Variants in SPAG17 observed in about 807,000 individuals in gnomAD.
SPAG17 encodes the protein sperm-associated antigen 17.
Under a neutral mutation model 273.6 loss-of-function variants are expected in SPAG17, and 169 were observed. The ratio of observed to expected loss-of-function variants is 0.62; its 90% CI spans 0.55 to 0.70. The LOEUF (loss-of-function observed/expected upper bound fraction) is 0.70. SPAG17 is among the 30% of genes least tolerant of loss of function. The pLI is 0.00. For missense variants in SPAG17, 2,557 were observed against 2,627.8 expected (o/e 0.97, Z 0.59); for synonymous variants, 825 against 873.2 (o/e 0.94, Z 0.97).
At chr1:118,028,180 A>T (rs1647980026) in intron 26 of SPAG17, 94 bp downstream of exon 26, 1 of 1,385,402 alleles carries the variant, frequency 7.2e-7, no homozygotes, top group Non-Finnish European at 9.9e-7. Context: ...TATCAACAAG[A>T]TGTATGTTTA....
intron 20 of SPAG17, among the ~76,000 whole-genome samples, chr1:118,049,404 C>G (rs1259045718): frequency 6.6e-6 from 1 of 152,102 alleles, no homozygotes; most frequent in African/African-American, 2.4e-5. Flanking sequence ...TCCTGGGATG[C>G]AAAGATGATT....
intron 3 of SPAG17, among the ~76,000 whole-genome samples, chr1:118,138,247 C>T (rs923166572): frequency 2.0e-5 from 3 of 152,088 alleles, no homozygotes; most frequent in East Asian, 3.9e-4. Flanking sequence ...GAAACAAATA[C>T]GTTGTTTGCA....
chr1:118,157,293 C>A (rs1659701784), intron 1 of SPAG17, among the ~76,000 whole-genome samples: 1 of 152,062 alleles, frequency 6.6e-6, no homozygotes, highest in Non-Finnish European at 1.5e-5. Flanking sequence ...AGATTTATTC[C>A]CTCTATTGCA....
intron 1 of SPAG17, among the ~76,000 whole-genome samples, chr1:118,153,706 G>A (rs536938373): frequency 4.9e-4 from 75 of 152,040 alleles, no homozygotes; most frequent in African/African-American, 1.6e-3. Flanking sequence ...AAATTTAGCC[G>A]GGTGTGGTGG....
intron 6 of SPAG17, among the ~76,000 whole-genome samples, chr1:118,098,587 T>G (rs867715544): frequency 5.9e-5 from 9 of 152,102 alleles, no homozygotes; most frequent in Admixed American, 2.6e-4. Flanking sequence ...ATAAACCATT[T>G]AGTATTATAA....
At position 118,053,988 on chromosome 1, in the gene SPAG17, G is replaced by A. The variant is rs376188388; in HGVS notation, c.2814+14C>T. 571 of 1,588,686 alleles carry A rather than the reference G, an allele frequency of 3.6e-4. No individual in the cohort carries two copies. In the African/African-American group the frequency reaches 6.9e-3, roughly 19 times the overall value. ...GTTTTGCCTGTTTTTTAAACTTTAT[G>A]TAAGCTGGATTACCTTGAGAGAGCC... On this transcript the variant is annotated intron_variant, in intron 20 of 48. Transcript: ENST00000336338.
chr1:118,096,929 A>G (rs1388006991), intron 7 of SPAG17, among the ~76,000 whole-genome samples: 4 of 152,144 alleles, frequency 2.6e-5, no homozygotes, highest in Non-Finnish European at 5.9e-5. Context: ...TTCTTGGCCA[A>G]ATATATTAAA....
chr1:118,064,905 C>T (rs1188990090), intron 18 of SPAG17, among the ~76,000 whole-genome samples: 1 of 151,560 alleles, frequency 6.6e-6, no homozygotes, highest in Non-Finnish European at 1.5e-5. Flanking sequence ...AACTCAAAAT[C>T]ACAAGATAGG....
At chr1:118,066,339 A>T (rs1054306968) in intron 18 of SPAG17, among the ~76,000 whole-genome samples, 3 of 152,126 alleles carry the variant, frequency 2.0e-5, no homozygotes, top group Non-Finnish European at 4.4e-5. Flanking sequence ...CTCTGTTGGT[A>T]TATTACTCAG....
At position 118,135,374 on chromosome 1, in the gene SPAG17, T is replaced by C. The variant is rs1658284503; in HGVS notation, c.315+15169A>G. Among the ~76,000 whole-genome samples the C allele has an allele frequency of 2.7e-4, 4 of 14,864 alleles. 1 individual carries two copies. The highest frequency in any genetic ancestry group is 5.3e-4 in the Admixed American group (1 of 1,900). The allele number at this position is 14,864 out of a possible 152,430, so 9.8% of individuals were successfully genotyped here. A position where few individuals can be genotyped will look rare whatever the true frequency, so the allele number is the denominator to read the frequency against. On this transcript the variant is annotated intron_variant, in intron 3 of 48. Coordinates refer to ENST00000336338, the MANE Select transcript of SPAG17 (RefSeq NM_206996.4). ...CTGTGGTTTATCAGCTCAAGCAATG[T>C]GTGTGTGTGTGTGTGTGTGTGTGTG...
intron 4 of SPAG17, among the ~76,000 whole-genome samples, chr1:118,109,426 G>A (rs1239882557): frequency 2.7e-5 from 4 of 149,784 alleles, no homozygotes; most frequent in Admixed American, 2.0e-4. Context: ...TGTGGCACGC[G>A]TGCCTGTATT....
At chr1:118,107,045 A>G (rs887052861) in intron 4 of SPAG17, among the ~76,000 whole-genome samples, 4 of 152,240 alleles carry the variant, frequency 2.6e-5, no homozygotes, top group Non-Finnish European at 5.9e-5. Flanking sequence ...AGCAGAGTAT[A>G]GTTTCCAGAC....
Position 117,994,339 on chromosome 1 carries a change from C to T in SPAG17, c.5178+67G>A, listed in dbSNP as rs1200929105. ...TGAATATATGGGAGAAGACTTAAGA[C>T]TCTGGTCCATTGCCCTTGGATGGAT... On this transcript the variant is annotated intron_variant, in intron 35 of 48. Transcript: ENST00000336338. 21 of 1,496,430 alleles carry T rather than the reference C, an allele frequency of 1.4e-5. No homozygotes were observed. In the East Asian group the frequency reaches 4.9e-4, roughly 35 times the overall value. The allele number at this position is 1,496,430 out of a possible 1,614,324, so 92.7% of individuals were successfully genotyped here.
chr1:118,101,799 A>G lies in SPAG17; in HGVS notation c.575T>C (p.Val192Ala). ...GKDQPEANAP[V>A]KKTTQLKRRG... ...CCGCTTTAACTGGGTGGTCTTTTTC[A>G]CTGGTGCATTTGCCTCAGGCTGATC... Residue 192 changes from valine (V) to alanine (A), a missense_variant, in exon 5 of 49, where the codon GTG (valine) becomes GCG (alanine). Coordinates refer to ENST00000336338, the MANE Select transcript of SPAG17 (RefSeq NM_206996.4). 1 of 1,613,900 alleles carries G rather than the reference A, an allele frequency of 6.2e-7. No homozygotes were observed. The highest frequency in any genetic ancestry group is 8.5e-7 in the Non-Finnish European group (1 of 1,179,932).
chr1:117,981,518 T>C (rs1400979177), intron 42 of SPAG17, 117 bp from the exon 43 acceptor site: 2 of 1,002,924 alleles, frequency 2.0e-6, no homozygotes. Context: ...AGGTACCTTT[T>C]CTGCCACTCT....
intron 4 of SPAG17, among the ~76,000 whole-genome samples, chr1:118,106,994 G>A (rs1214717767): frequency 1.3e-5 from 2 of 152,098 alleles, no homozygotes; most frequent in Admixed American, 6.6e-5. Flanking sequence ...AAAGGAGGGC[G>A]GACTACAACC....
At chr1:117,960,418 A>G (rs1415414970) in intron 48 of SPAG17, 3 of 152,230 alleles carry the variant, frequency 2.0e-5, no homozygotes, top group African/African-American at 4.8e-5. Flanking sequence ...TACTGTGTTT[A>G]TCAATACTAT....
chr1:118,081,890 T>C (rs1654608319), intron 13 of SPAG17, among the ~76,000 whole-genome samples: 1 of 152,200 alleles, frequency 6.6e-6, no homozygotes, highest in South Asian at 2.1e-4. Flanking sequence ...GCTTCATAGC[T>C]CAATCAATAT....
intron 40 of SPAG17, among the ~76,000 whole-genome samples, chr1:117,985,838 C>A (rs1656340399): frequency 6.6e-6 from 1 of 152,122 alleles, no homozygotes; most frequent in African/African-American, 2.4e-5. Context: ...GTTAAGTAAC[C>A]TATTCCAAAT....
Sources: gnomAD v4.1 joint callset for allele counts (sites outside exome capture counted in the v4.1 genomes callset) on GRCh38, gnomAD v4.1.1 for gene constraint, MANE v1.5 for transcripts, NCBI Gene and HGNC (gene_info 2026-07-23, HGNC 2026-07-21) for gene names.